The following CCDC66 variants were observed in gnomAD, a reference collection of about 807,000 sequenced individuals.
CCDC66 encodes coiled-coil domain-containing protein 66.
CCDC66 carries 133 observed loss-of-function variants against 128.3 expected under a neutral mutation model. That is an observed-to-expected ratio of 1.04 (90% CI 0.90 to 1.20). The LOEUF (loss-of-function observed/expected upper bound fraction) is 1.20, where lower values mean the gene tolerates loss of function less well. CCDC66 is among the 50% of genes most tolerant of loss of function. The pLI is 0.00. For synonymous variants in CCDC66, 387 were observed against 357.0 expected (o/e 1.08, Z -0.95); for missense variants, 1,126 against 1,075.5 (o/e 1.05, Z -0.66).
intron 10 of CCDC66, among the ~76,000 whole-genome samples, chr3:56,608,822 T>C (rs2074417938): frequency 6.6e-6 from 1 of 152,186 alleles, no homozygotes; most frequent in South Asian, 2.1e-4. Flanking sequence ...GTCGTTCAGT[T>C]CAAAGAATTT....
rs547224641 is a variant in CCDC66, at chr3:56,575,857, G to A, written c.936+4555G>A. On this transcript the variant is annotated intron_variant, in intron 7 of 17. Coordinates refer to ENST00000394672, the MANE Select transcript of CCDC66 (RefSeq NM_001141947.3). ...TGTCCTTTCCCCATTGAATGGTGTT[G>A]GCTCCCTTGTCCATAACTATTTCAC... is the stretch of plus-strand genomic sequence containing the variant. 2.0e-5 allele frequency among the ~76,000 whole-genome samples: 3 copies of A among 151,822 alleles called. No individual in the cohort carries two copies. The South Asian group carries it at 6.2e-4, about 32-fold the overall frequency.
At chr3:56,586,823 A>G (rs1156437911) in intron 7 of CCDC66, among the ~76,000 whole-genome samples, 1 of 151,836 alleles carries the variant, frequency 6.6e-6, no homozygotes, top group African/African-American at 2.4e-5. Context: ...AGGGCAGAAG[A>G]GTAGCTGCCT....
In CCDC66 at chr3:56,588,378, C is replaced by G. The variant is rs796470598; in HGVS notation, c.937-4592C>G. Among the ~76,000 whole-genome samples, 9 of 152,016 alleles carry G rather than the reference C, an allele frequency of 5.9e-5. No homozygotes were observed. In the South Asian group the frequency reaches 1.9e-3, roughly 32 times the overall value. On this transcript the variant is annotated intron_variant, in intron 7 of 17. Coordinates refer to ENST00000394672, the MANE Select transcript of CCDC66 (RefSeq NM_001141947.3). The stretch of plus-strand genomic sequence containing the variant: ...CTATACTGCTCGGGTGATGCATACA[C>G]CAGAATCTCACAGATCACCACTAAA...
At chr3:56,594,156 G>A (rs1455451018) in intron 10 of CCDC66, 128 bp downstream of exon 10, 4 of 799,542 alleles carry the variant, frequency 5.0e-6, no homozygotes, top group African/African-American at 1.7e-5. Flanking sequence ...GTTGTGTCAC[G>A]AATCCAATCC....
rs2071347571 is a variant in CCDC66 at position 56,593,719 on chromosome 3, A to T, written c.1297A>T (p.Met433Leu). The T allele has an allele frequency of 6.2e-7, 1 of 1,612,816 alleles. No individual in the cohort carries two copies. The highest frequency in any genetic ancestry group is 1.3e-5 in the African/African-American group (1 of 74,928). ...AGCAAAACCTATTAAGGATGTGGTT[A>T]TGGCAAACAGTAAGAAAACAAAGTA... Reference protein sequence around the residue: ...HIAKPIKDVVMANSKKTNFLR... With the variant: ...HIAKPIKDVVLANSKKTNFLR... The change falls in exon 9 of 18, where the codon ATG (methionine) becomes TTG (leucine). Residue 433 changes from methionine to leucine, a missense_variant. Transcript: ENST00000394672.
chr3:56,618,273 G>A, intron 15 of CCDC66, 61 bp downstream of exon 15: 2 of 1,409,700 alleles, frequency 1.4e-6, no homozygotes, highest in Non-Finnish European at 2.0e-6. Flanking sequence ...GACAAAAAAG[G>A]GATTCAAGAT....
rs139313308 is a variant in CCDC66, at chr3:56,593,009, C to T, written c.976C>T (p.Gln326Ter). 2 of 1,610,494 alleles carry T rather than the reference C, an allele frequency of 1.2e-6. No individual in the cohort carries two copies. The highest frequency in any genetic ancestry group is 1.3e-5 in the African/African-American group (1 of 74,654). ...LLEHPFSAVK[Q>*]ELQRKWIEEL... The stretch of plus-strand genomic sequence containing the variant: ...GGAGCACCCTTTCAGTGCTGTGAAA[C>T]AAGAACTGCAAAGAAAATGGATTGA... Residue 326 changes from glutamine to a stop codon, truncating the protein, a stop_gained, in exon 8 of 18, where the codon CAA becomes TAA. Coordinates refer to ENST00000394672, the MANE Select transcript of CCDC66 (RefSeq NM_001141947.3). LOFTEE classifies it high-confidence loss of function.
At chr3:56,571,375 T>TA (rs2066585288) in intron 7 of CCDC66, 73 bp downstream of exon 7, 1 of 986,618 alleles carries the variant, frequency 1.0e-6, no homozygotes, top group South Asian at 1.7e-5. Flanking sequence ...TTAAAGCTTA[T>TA]TAAAAAAAAA....
chr3:56,621,457 T>C, intron 17 of CCDC66, 75 bp from the exon 18 acceptor site: 1 of 1,004,704 alleles, frequency 1.0e-6, no homozygotes, highest in Non-Finnish European at 1.5e-6. Context: ...CAAGTGAATA[T>C]AATTCTAGTT....
At chr3:56,577,930 A>C (rs1050424885) in intron 7 of CCDC66, among the ~76,000 whole-genome samples, 6 of 151,794 alleles carry the variant, frequency 4.0e-5, no homozygotes, top group Admixed American at 3.3e-4. Flanking sequence ...AAGAAATTTA[A>C]AGTAGTTTTT....
chr3:56,618,271 A>T (rs1335699684), intron 15 of CCDC66, 59 bp downstream of exon 15: 5 of 1,417,870 alleles, frequency 3.5e-6, no homozygotes, highest in Non-Finnish European at 2.0e-6. Flanking sequence ...GGGACAAAAA[A>T]GGGATTCAAG....
chr3:56,599,742 G>A (rs549080853), intron 10 of CCDC66, among the ~76,000 whole-genome samples: 1 of 152,128 alleles, frequency 6.6e-6, no homozygotes. Context: ...GGTTTGAGAA[G>A]ATACTTGATA....
rs1474569177 is a variant in CCDC66, at chr3:56,557,199, A to G, written c.-44A>G. The G allele has an allele frequency of 5.2e-6, 8 of 1,551,166 alleles. No individual in the cohort carries two copies. The South Asian group carries it at 8.3e-5, about 16-fold the overall frequency. Reference sequence around the variant, plus strand: ...TGAGCGGCGGCGGCAACCGACGTACACAAGGGGCTTGAGCGTTCTGTGGAG... The same window carrying G: ...TGAGCGGCGGCGGCAACCGACGTACGCAAGGGGCTTGAGCGTTCTGTGGAG... On this transcript the variant is annotated 5_prime_UTR_variant, in exon 1 of 18. Coordinates refer to ENST00000394672, the MANE Select transcript of CCDC66 (RefSeq NM_001141947.3).
At chr3:56,614,506 T>A (rs191508805) in intron 11 of CCDC66, among the ~76,000 whole-genome samples, 143 of 152,332 alleles carry the variant, frequency 9.4e-4, no homozygotes, top group East Asian at 3.5e-3. Context: ...ATGGCCTTTT[T>A]AAAAAGTAGA....
At position 56,563,667 on chromosome 3, in the gene CCDC66, T is replaced by C; in HGVS notation, c.103-17T>C. ...TCTTGGACAGTTATAAAGAATAAGC[T>C]TCTGGTGTTTTAACAGATGGGAAAT... On this transcript the variant is annotated splice_polypyrimidine_tract_variant and intron_variant, in intron 3 of 17. Coordinates refer to ENST00000394672, the MANE Select transcript of CCDC66 (RefSeq NM_001141947.3). 1.3e-6 allele frequency: 2 copies of C among 1,528,436 alleles called. No homozygotes were observed. The highest frequency in any genetic ancestry group is 2.5e-5 in the South Asian group (2 of 81,564). The allele number at this position is 1,528,436 out of a possible 1,614,324, so 94.7% of individuals were successfully genotyped here. A position where few individuals can be genotyped will look rare whatever the true frequency, so the allele number is the denominator to read the frequency against.
chr3:56,589,494 C>T (rs2070459277), intron 7 of CCDC66, among the ~76,000 whole-genome samples: 1 of 152,070 alleles, frequency 6.6e-6, no homozygotes, highest in African/African-American at 2.4e-5. Flanking sequence ...AATAATAAAT[C>T]ATGATGAGTT....
At chr3:56,564,669 C>G (rs2065551940) in intron 4 of CCDC66, among the ~76,000 whole-genome samples, 1 of 152,108 alleles carries the variant, frequency 6.6e-6, no homozygotes, top group African/African-American at 2.4e-5. Context: ...TTTCACAAGT[C>G]CTGGCATTGT....
At chr3:56,565,890 TCTC>T (rs1459071329) in intron 4 of CCDC66, among the ~76,000 whole-genome samples, 1 of 152,084 alleles carries the variant, frequency 6.6e-6, no homozygotes, top group Non-Finnish European at 1.5e-5. Context: ...ATGGTCTCGA[TCTC>T]CTGACCTCGT....
At chr3:56,596,812 A>C (rs1231911602) in intron 10 of CCDC66, among the ~76,000 whole-genome samples, 1 of 143,830 alleles carries the variant, frequency 7.0e-6, no homozygotes, top group Non-Finnish European at 1.5e-5. Flanking sequence ...CCTGGAATGC[A>C]GTGACGTGAT....
Sources: gnomAD v4.1 joint callset for allele counts (sites outside exome capture counted in the v4.1 genomes callset) on GRCh38, gnomAD v4.1.1 for gene constraint, MANE v1.5 for transcripts, NCBI Gene and HGNC (gene_info 2026-07-23, HGNC 2026-07-21) for gene names.